The following FGG variants were observed in gnomAD, a reference collection of about 807,000 sequenced individuals.
FGG encodes fibrinogen, gamma polypeptide.
FGG carries 20 observed loss-of-function variants against 51.7 expected under a neutral mutation model. That is an observed-to-expected ratio of 0.39 (90% CI 0.27 to 0.56). The LOEUF is 0.56. Among genes scored for constraint, FGG ranks in the 20% least tolerant of loss-of-function variants. The pLI is 0.64. For synonymous variants in FGG, 184 were observed against 184.7 expected, an observed-to-expected ratio of 1.00 and a Z score of 0.03; for missense variants, 460 against 534.2, an observed-to-expected ratio of 0.86 and a Z score of 1.37.
chr4:154,605,137 G>C lies in FGG; in HGVS notation c.1130-71C>G. 4 of 1,543,674 alleles carry C rather than the reference G, an allele frequency of 2.6e-6. No homozygotes were observed. The South Asian group carries it at 3.4e-5, about 13-fold the overall frequency. ...TACCTCTGCAAGTCTATGAAGAGCT[G>C]TCTATTACGAAGTGCATTGCCAGTT... On this transcript the variant is annotated intron_variant, in intron 8 of 8. Transcript: ENST00000336098.
chr4:154,611,764 TA>T, intron 4 of FGG, 40 bp downstream of exon 4: 2 of 1,321,542 alleles, frequency 1.5e-6, no homozygotes, highest in Middle Eastern at 1.9e-4. Flanking sequence ...AAATAAAAAC[TA>T]AATCAGTCTT....
In FGG at chr4:154,605,127, A is replaced by G. The variant is rs1245141864; in HGVS notation, c.1130-61T>C. ...GGAATCTTTTTACCTCTGCAAGTCT[A>G]TGAAGAGCTGTCTATTACGAAGTGC... On this transcript the variant is annotated intron_variant, in intron 8 of 8. Coordinates refer to ENST00000336098, the MANE Select transcript of FGG (RefSeq NM_021870.3). 19 of 1,581,540 alleles carry G rather than the reference A, an allele frequency of 1.2e-5. No homozygotes were observed. The East Asian group carries it at 3.8e-4, about 32-fold the overall frequency.
At chr4:154,611,652 T>C in intron 4 of FGG, 153 bp downstream of exon 4, 2 of 594,384 alleles carry the variant, frequency 3.4e-6, no homozygotes, top group Non-Finnish European at 5.9e-6. Flanking sequence ...CACTAAAAAC[T>C]TCTATCTCTA....
At chr4:154,610,734 A>G (rs1478960714) in intron 4 of FGG, among the ~76,000 whole-genome samples, 1 of 152,184 alleles carries the variant, frequency 6.6e-6, no homozygotes, top group East Asian at 1.9e-4. Flanking sequence ...TAACTTACAC[A>G]GGGACATGAT....
intron 8 of FGG, among the ~76,000 whole-genome samples, chr4:154,606,233 C>G (rs1483928648): frequency 6.6e-6 from 1 of 152,146 alleles, no homozygotes; most frequent in African/African-American, 2.4e-5. Flanking sequence ...TCAGACTGGT[C>G]TCTTCTCTCA....
intron 7 of FGG, among the ~76,000 whole-genome samples, chr4:154,608,248 C>G: frequency 6.6e-6 from 1 of 152,082 alleles, no homozygotes; most frequent in Admixed American, 6.5e-5. Context: ...TGAATGGTTC[C>G]AGGGTAATTA....
At chr4:154,611,682 G>A (rs1014831165) in intron 4 of FGG, 123 bp downstream of exon 4, 2 of 669,342 alleles carry the variant, frequency 3.0e-6, no homozygotes, top group Non-Finnish European at 5.1e-6. Context: ...ACATAATCAG[G>A]CATAATGTCA....
At position 154,606,196 on chromosome 4, in the gene FGG, C is replaced by T. The variant is rs2066876; in HGVS notation, c.1129+509G>A. On this transcript the variant is annotated intron_variant, in intron 8 of 8. Transcript: ENST00000336098. ...AAACTATAGCCTCCTCATCCAACCC[C>T]CATCCTAAAATAAGTGTCTACTGTC... 4.9e-3 allele frequency among the ~76,000 whole-genome samples: 752 copies of T among 152,218 alleles called. 8 individuals carry two copies. Among genetic ancestry groups the T allele is most frequent in the African/African-American group, 0.017 (694 of 41,550 alleles).
At chr4:154,606,551 T>TTGGTATTA (rs1731099668) in intron 8 of FGG, among the ~76,000 whole-genome samples, 154 bp downstream of exon 8, 1 of 152,208 alleles carries the variant, frequency 6.6e-6, no homozygotes, top group Non-Finnish European at 1.5e-5. Context: ...TATTATCCAC[T>TTGGTATTA]TCCAGTTTCA....
At chr4:154,607,832 G>A (rs1422127119) in intron 7 of FGG, among the ~76,000 whole-genome samples, 1 of 152,104 alleles carries the variant, frequency 6.6e-6, no homozygotes, top group East Asian at 1.9e-4. Context: ...CATAACAAGA[G>A]GGTTGGATAT....
In FGG at chr4:154,604,944, G is replaced by A; in HGVS notation, c.1252C>T (p.Leu418Phe). The change falls in exon 9 of 9, where the codon CTC becomes TTC. Residue 418 changes from leucine (L) to phenylalanine (F), a missense_variant. Transcript: ENST00000336098. ...TTMKIIPFNR[L>F]TIGEGQQHHL... is the part of the protein sequence containing the mutation. ...TGTTGCTGTCCTTCTCCAATTGTGA[G>A]TCTGTTGAATGGGATTATCTTCATA... The A allele has an allele frequency of 5.0e-6, 8 of 1,614,086 alleles. No individual in the cohort carries two copies. The highest frequency in any genetic ancestry group is 1.1e-5 in the South Asian group (1 of 91,080).
chr4:154,610,814 A>G (rs1560836302), intron 4 of FGG, among the ~76,000 whole-genome samples: 1 of 152,176 alleles, frequency 6.6e-6, no homozygotes, highest in Non-Finnish European at 1.5e-5. Context: ...TTCTGGTTAC[A>G]TAGCTTTGGG....
At chr4:154,607,114 G>C in intron 7 of FGG, 132 bp from the exon 8 acceptor site, 1 of 1,143,144 alleles carries the variant, frequency 8.7e-7, no homozygotes, top group Non-Finnish European at 1.2e-6. Context: ...ATTGAGTGAA[G>C]TTTTTTGCAA....
rs779592161 is a variant in FGG, at chr4:154,612,125, T to C, written c.200A>G (p.Gln67Arg). 1 of 1,612,594 alleles carries C rather than the reference T, an allele frequency of 6.2e-7. No homozygotes were observed. Among genetic ancestry groups the C allele is most frequent in the Non-Finnish European group, 8.5e-7 (1 of 1,179,590 alleles). ...TTGATGTAAGATGTCTTCCAAAGAC[T>C]GTAGATCCTTGTCTACTTTGGTTTG... ...TYQTKVDKDL[Q>R]SLEDILHQVE... Residue 67 changes from glutamine to arginine, a missense_variant, in exon 3 of 9, where the codon CAG becomes CGG. By Grantham distance (43) the Gln-to-Arg change is conservative. Coordinates refer to ENST00000336098, the MANE Select transcript of FGG (RefSeq NM_021870.3).
chr4:154,608,600 T>G lies in FGG; in HGVS notation c.717A>C (p.Glu239Asp). 3.7e-6 allele frequency: 6 copies of G among 1,613,690 alleles called. No individual in the cohort carries two copies. The highest frequency in any genetic ancestry group is 5.1e-6 in the Non-Finnish European group (6 of 1,179,836). Residue 239 changes from glutamate (E) to aspartate (D), a missense_variant, in exon 7 of 9, where the codon GAA (glutamate) becomes GAC (aspartate). Physicochemically the swap from Glu to Asp is conservative, Grantham distance 45. This residue lies in a region of FGG where 353 missense variants were observed against 391.7 expected (regional missense o/e 0.90). Coordinates refer to ENST00000336098, the MANE Select transcript of FGG (RefSeq NM_021870.3). ...CAGTAGGAGACAGATGTCCAAATCC[T>G]TCTTTATATTGAATCCAGTTTTTCT... is the stretch of plus-strand genomic sequence containing the variant. ...DFKKNWIQYK[E>D]GFGHLSPTGT... is the part of the protein sequence containing the mutation.
At chr4:154,605,467 T>C (rs1236358871) in intron 8 of FGG, among the ~76,000 whole-genome samples, 1 of 152,124 alleles carries the variant, frequency 6.6e-6, no homozygotes, top group Admixed American at 6.6e-5. Flanking sequence ...CACAATTTTG[T>C]TGGTTGATTG....
chr4:154,608,144 C>T (rs1183355421), intron 7 of FGG, among the ~76,000 whole-genome samples: 1 of 152,068 alleles, frequency 6.6e-6, no homozygotes, highest in African/African-American at 2.4e-5. Context: ...ATAATAATAC[C>T]TGCTTCATGA....
intron 3 of FGG, 29 bp downstream of exon 3, chr4:154,611,989 T>G (rs1731223323): frequency 2.5e-6 from 4 of 1,609,222 alleles, no homozygotes. Context: ...TTATTATTAT[T>G]TTTTGGTCAG....
At chr4:154,605,212 C>T in intron 8 of FGG, 146 bp from the exon 9 acceptor site, 1 of 758,654 alleles carries the variant, frequency 1.3e-6, no homozygotes, top group Non-Finnish European at 2.1e-6. Flanking sequence ...TCCAAAGATT[C>T]CTAAAATATC....
Sources: gnomAD v4.1 joint callset for allele counts (sites outside exome capture counted in the v4.1 genomes callset) on GRCh38, gnomAD v4.1.1 for gene constraint, gnomAD v4.1.1 regional missense constraint, MANE v1.5 for transcripts, NCBI Gene and HGNC (gene_info 2026-07-23, HGNC 2026-07-21) for gene names.